The following INTS9 variants were observed in gnomAD, a reference collection of about 807,000 sequenced individuals.
INTS9 encodes protein related to CPSF subunits of 74 kDa.
In INTS9, 55 loss-of-function variants were observed where a neutral mutation model predicts 79.7. That is an observed-to-expected ratio of 0.69 (90% CI 0.56 to 0.86). INTS9 has a LOEUF of 0.86. Among genes scored for constraint, INTS9 ranks in the 40% least tolerant of loss-of-function variants. INTS9 has a pLI of 0.00. For synonymous variants in INTS9, 319 were observed against 325.2 expected (o/e 0.98, Z 0.20); for missense variants, 721 against 831.5 (o/e 0.87, Z 1.64).
intron 1 of INTS9, among the ~76,000 whole-genome samples, chr8:28,867,676 C>T (rs950703496): frequency 4.7e-5 from 7 of 149,696 alleles, no homozygotes; most frequent in South Asian, 2.1e-4. Context: ...TTTGGTAATA[C>T]GACAAATTGA....
At chr8:28,800,471 A>G (rs1486486724) in intron 8 of INTS9, among the ~76,000 whole-genome samples, 1 of 152,220 alleles carries the variant, frequency 6.6e-6, no homozygotes, top group East Asian at 1.9e-4. Context: ...CTGACAGAGC[A>G]GGCAGTGAGA....
At chr8:28,842,835 A>G (rs892846991) in intron 4 of INTS9, among the ~76,000 whole-genome samples, 8 of 152,138 alleles carry the variant, frequency 5.3e-5, no homozygotes, top group Non-Finnish European at 1.2e-4. Context: ...TCAATGGTGT[A>G]ATCCTTCCAG....
At chr8:28,777,324 C>T (rs1251220056) in intron 13 of INTS9, among the ~76,000 whole-genome samples, 3 of 150,354 alleles carry the variant, frequency 2.0e-5, no homozygotes, top group African/African-American at 7.4e-5. Context: ...GTGGCCCTGC[C>T]TTCCTGCTAC....
chr8:28,862,242 G>T, intron 1 of INTS9: 1 of 980,798 alleles, frequency 1.0e-6, no homozygotes, highest in Non-Finnish European at 1.2e-6. Flanking sequence ...AGTAATTATG[G>T]AAATAAAATT....
intron 1 of INTS9, among the ~76,000 whole-genome samples, chr8:28,886,260 G>A (rs1254415373): frequency 6.6e-6 from 1 of 151,194 alleles, no homozygotes; most frequent in South Asian, 2.1e-4. Context: ...TTTGTTTTTT[G>A]TTTTTGAGAT....
At position 28,874,335 on chromosome 8, in the gene INTS9, G is replaced by C. The variant is rs148618955; in HGVS notation, c.10-14772C>G. On this transcript the variant is annotated intron_variant, in intron 1 of 16. Transcript: ENST00000521022. ...GACAGAGTCTCGCTCTGTCACCCAAGCTGGAGTGCAGTGGCGTGACCTCGG... is the reference window on the plus strand; with the variant it reads ...GACAGAGTCTCGCTCTGTCACCCAACCTGGAGTGCAGTGGCGTGACCTCGG... Among the ~76,000 whole-genome samples the C allele has an allele frequency of 2.5e-4, 38 of 150,516 alleles. 1 individual carries two copies. Among genetic ancestry groups the C allele is most frequent in the African/African-American group, 9.3e-4 (38 of 40,866 alleles).
chr8:28,846,845 A>C, intron 3 of INTS9, 36 bp from the exon 4 acceptor site: 2 of 1,498,252 alleles, frequency 1.3e-6, no homozygotes, highest in Non-Finnish European at 1.9e-6. Flanking sequence ...CAAGGAAGAG[A>C]TATCCAGTAG....
intron 8 of INTS9, among the ~76,000 whole-genome samples, chr8:28,801,173 T>C (rs190152962): frequency 2.2e-4 from 34 of 152,254 alleles, no homozygotes; most frequent in African/African-American, 7.0e-4. Context: ...CAAACCTACA[T>C]AGCAACTGCC....
At chr8:28,815,723 C>G (rs73669453) in intron 6 of INTS9, among the ~76,000 whole-genome samples, 8 of 151,982 alleles carry the variant, frequency 5.3e-5, no homozygotes, top group Non-Finnish European at 8.8e-5. Flanking sequence ...TTCAAAAGAA[C>G]CTAACAAATG....
chr8:28,806,717 C>A (rs1292919157), intron 8 of INTS9, among the ~76,000 whole-genome samples: 1 of 152,136 alleles, frequency 6.6e-6, no homozygotes, highest in Non-Finnish European at 1.5e-5. Context: ...TTCCTCTAAT[C>A]CTATGTCTAA....
At chr8:28,814,509 G>T (rs1020603540) in intron 6 of INTS9, among the ~76,000 whole-genome samples, 1 of 152,080 alleles carries the variant, frequency 6.6e-6, no homozygotes, top group Non-Finnish European at 1.5e-5. Context: ...AACAACAGGT[G>T]TATCAGGAAG....
rs530185351 is a variant in INTS9 at position 28,821,591 on chromosome 8, C to T, written c.489-7979G>A. ...TTCCAGCTGAAACCACCACCACCAC[C>T]CAGTGGGTTGAAACCATGCAGTATT... On this transcript the variant is annotated intron_variant, in intron 6 of 16. Coordinates refer to ENST00000521022, the MANE Select transcript of INTS9 (RefSeq NM_018250.4). Among the ~76,000 whole-genome samples, 67 of 152,224 alleles carry T rather than the reference C, an allele frequency of 4.4e-4. No homozygotes were observed. In the East Asian group the frequency reaches 5.8e-3, roughly 13 times the overall value.
chr8:28,856,686 G>A (rs779940279), intron 2 of INTS9, among the ~76,000 whole-genome samples: 22 of 152,134 alleles, frequency 1.4e-4, no homozygotes, highest in African/African-American at 3.6e-4. Flanking sequence ...CTGTTTGGAC[G>A]GTTATTGCAG....
intron 12 of INTS9, chr8:28,780,383 C>T (rs1585339332): frequency 1.0e-6 from 1 of 985,104 alleles, no homozygotes; most frequent in Non-Finnish European, 1.2e-6. Flanking sequence ...TATGTAAACA[C>T]TCTACTTGAC....
At chr8:28,835,200 T>C (rs925885730) in intron 6 of INTS9, 92 bp downstream of exon 6, 4 of 780,846 alleles carry the variant, frequency 5.1e-6, no homozygotes, top group Non-Finnish European at 8.4e-6. Flanking sequence ...AACCAAATCA[T>C]TGTTTAAGCA....
At chr8:28,846,601 T>C in intron 4 of INTS9, 146 bp downstream of exon 4, 2 of 633,284 alleles carry the variant, frequency 3.2e-6, no homozygotes, top group Admixed American at 5.5e-5. Flanking sequence ...TGATGACATT[T>C]TGGCTGTGTA....
intron 4 of INTS9, among the ~76,000 whole-genome samples, chr8:28,841,573 A>G (rs1318026910): frequency 2.0e-5 from 3 of 152,124 alleles, no homozygotes; most frequent in African/African-American, 7.2e-5. Flanking sequence ...TAACATCCAA[A>G]CCACATTTAT....
chr8:28,793,584 G>A (rs1031987103), intron 10 of INTS9: 9 of 433,500 alleles, frequency 2.1e-5, no homozygotes, highest in Non-Finnish European at 3.7e-5. Context: ...CTGGGCTAAG[G>A]TAAGTCTCTG....
chr8:28,874,686 A>C (rs1326574943), intron 1 of INTS9, among the ~76,000 whole-genome samples: 1 of 152,170 alleles, frequency 6.6e-6, no homozygotes, highest in African/African-American at 2.4e-5. Context: ...TAAGTCTTGT[A>C]GTAAAACCCA....
Sources: gnomAD v4.1 joint callset for allele counts (sites outside exome capture counted in the v4.1 genomes callset) on GRCh38, gnomAD v4.1.1 for gene constraint, MANE v1.5 for transcripts, NCBI Gene and HGNC (gene_info 2026-07-23, HGNC 2026-07-21) for gene names.